The following DDX6 variants were observed in gnomAD, a reference collection of about 807,000 sequenced individuals.
DDX6 encodes probable ATP-dependent RNA helicase DDX6.
Under a neutral mutation model 60.6 loss-of-function variants are expected in DDX6, and 7 were observed. The ratio of observed to expected loss-of-function variants is 0.12; its 90% CI spans 0.07 to 0.22. The LOEUF is 0.22. Ranked by LOEUF, DDX6 falls within the 10% of genes least tolerant of loss-of-function variation. The probability of loss-of-function intolerance (pLI) is 1.00; values close to 1 mark genes in which losing one functional copy is unlikely to be tolerated. For synonymous variants in DDX6, 207 were observed against 201.0 expected (o/e 1.03, Z -0.25); for missense variants, 270 against 589.9 (o/e 0.46, Z 5.62).
At chr11:118,760,942 C>T (rs1555160048) in intron 7 of DDX6, among the ~76,000 whole-genome samples, 1 of 151,616 alleles carries the variant, frequency 6.6e-6, no homozygotes, top group African/African-American at 2.4e-5. Flanking sequence ...GAGTTCAAGA[C>T]AAGACTGGTT....
rs1399703841 is a variant in DDX6 at position 118,768,055 on chromosome 11, T to C, written c.499+168A>G. Reference sequence around the variant, plus strand: ...GAAATCTCTAAAAAGCTGGGAATCATTTTTAATAAAAAGACCATCATCAGG... The same window carrying C: ...GAAATCTCTAAAAAGCTGGGAATCACTTTTAATAAAAAGACCATCATCAGG... On this transcript the variant is annotated intron_variant, in intron 5 of 13. Transcript: ENST00000534980. 3 of 627,908 alleles carry C rather than the reference T, an allele frequency of 4.8e-6. No individual in the cohort carries two copies. The African/African-American group carries it at 5.5e-5, about 12-fold the overall frequency. 38.9% of individuals were successfully genotyped at this position (627,908 alleles called of 1,614,324 possible).
At chr11:118,785,163 CCATT>C (rs1343224484) in intron 2 of DDX6, among the ~76,000 whole-genome samples, 3 of 152,248 alleles carry the variant, frequency 2.0e-5, no homozygotes, top group Admixed American at 1.3e-4. Context: ...GTGATGGTTA[CCATT>C]CAAATATTGT....
In DDX6 at chr11:118,765,336, A is replaced by G. The variant is rs868991459; in HGVS notation, c.519T>C (p.Thr173=). Residue 173 remains threonine, a synonymous_variant, in exon 6 of 14, where the codon ACT becomes ACC. Coordinates refer to ENST00000534980, the MANE Select transcript of DDX6 (RefSeq NM_004397.6). ...GACTGACCTGTAGAGCAAGTTCTCTAGTGGGAACAATCACCATTGCTGAAA... is the reference window on the plus strand; with the variant it reads ...GACTGACCTGTAGAGCAAGTTCTCTGGTGGGAACAATCACCATTGCTGAAA... The part of the protein sequence containing the change: ...DNIQAMVIVP[T]RELALQVSQI... 3 of 1,613,928 alleles carry G rather than the reference A, an allele frequency of 1.9e-6. No homozygotes were observed. The Middle Eastern group carries it at 5.0e-4, about 268-fold the overall frequency.
In DDX6 at chr11:118,790,678, C is replaced by T. The variant is rs998267302; in HGVS notation, c.-268+420G>A. Among the ~76,000 whole-genome samples, 3 of 152,130 alleles carry T rather than the reference C, an allele frequency of 2.0e-5. No homozygotes were observed. In the East Asian group the frequency reaches 5.8e-4, roughly 29 times the overall value. On this transcript the variant is annotated intron_variant, in intron 1 of 13. Coordinates refer to ENST00000534980, the MANE Select transcript of DDX6 (RefSeq NM_004397.6). ...CCTGTTCCTCCTGCCGACCCTGCTG[C>T]GCACCACATTCCTATATTCGCCTCC...
intron 4 of DDX6, among the ~76,000 whole-genome samples, chr11:118,776,229 T>C (rs1861694456): frequency 6.6e-6 from 1 of 152,228 alleles, no homozygotes; most frequent in African/African-American, 2.4e-5. Context: ...CATAACATTT[T>C]TGAGCATTTA....
rs1243434031 is a variant in DDX6, at chr11:118,747,905, C to G, written c.*4200G>C. The G allele has an allele frequency of 1.6e-5, 2 of 124,126 alleles. No individual in the cohort carries two copies. The highest frequency in any genetic ancestry group is 2.5e-4 in the East Asian group (1 of 3,990). 7.7% of individuals were successfully genotyped at this position (124,126 alleles called of 1,614,324 possible). On this transcript the variant is annotated 3_prime_UTR_variant, in exon 14 of 14. Transcript: ENST00000534980. ...ACACATCCCAACAAAAACAGAGCCC[C>G]CCCCCCCCCCACTGGAACATCTGCC...
intron 4 of DDX6, among the ~76,000 whole-genome samples, chr11:118,774,205 G>C (rs1861625523): frequency 6.6e-6 from 1 of 152,090 alleles, no homozygotes; most frequent in Non-Finnish European, 1.5e-5. Context: ...TAACCCCAAA[G>C]TTAATATAAA....
At chr11:118,783,131 G>A (rs1861957350) in intron 2 of DDX6, among the ~76,000 whole-genome samples, 3 of 152,010 alleles carry the variant, frequency 2.0e-5, no homozygotes. Context: ...GAAGTGTTCT[G>A]AGACACTTGA....
chr11:118,763,342 TTTTAA>T (rs1555160672), intron 6 of DDX6, 36 bp from the exon 7 acceptor site: 5 of 1,491,028 alleles, frequency 3.4e-6, no homozygotes, highest in Non-Finnish European at 2.8e-6. Context: ...TTCTCATTAA[TTTTAA>T]TTTGAGCAAA....
chr11:118,749,175 CA>C lies in DDX6; in HGVS notation c.*2929del, dbSNP rs1555156568. On this transcript the variant is annotated 3_prime_UTR_variant, in exon 14 of 14. Coordinates refer to ENST00000534980, the MANE Select transcript of DDX6 (RefSeq NM_004397.6). ...GTCCATAGCCCATTACACAACTGTA[CA>C]ACCAAAGGCTAAATGATGAGTTGGA... The C allele has an allele frequency of 1.3e-5, 2 of 151,880 alleles. No individual in the cohort carries two copies. The highest frequency in any genetic ancestry group is 3.9e-4 in the East Asian group (2 of 5,172). The allele number at this position is 151,880 out of a possible 1,614,324, so 9.4% of individuals were successfully genotyped here. A position where few individuals can be genotyped will look rare whatever the true frequency, so the allele number is the denominator to read the frequency against.
intron 2 of DDX6, among the ~76,000 whole-genome samples, chr11:118,785,192 A>G (rs1862034046): frequency 6.6e-6 from 1 of 152,188 alleles, no homozygotes; most frequent in Admixed American, 6.6e-5. Context: ...TAAACTATGC[A>G]CTTAAAAGTA....
intron 13 of DDX6, 58 bp downstream of exon 13, chr11:118,754,647 G>A (rs1273757199): frequency 7.4e-6 from 11 of 1,479,888 alleles, no homozygotes; most frequent in Non-Finnish European, 9.1e-6. Context: ...CCCCAGGAAA[G>A]AAGATTTTGA....
intron 13 of DDX6, among the ~76,000 whole-genome samples, chr11:118,754,310 A>G (rs1315323257): frequency 1.3e-5 from 2 of 152,232 alleles, no homozygotes; most frequent in Non-Finnish European, 2.9e-5. Context: ...ATGTGCCTAC[A>G]GTTCCAGCTA....
In DDX6 at chr11:118,786,070, C is replaced by T. The variant is rs779167896; in HGVS notation, c.182G>A (p.Ser61Asn). Residue 61 changes from serine (S) to asparagine (N), a missense_variant, in exon 2 of 14, where the codon AGT becomes AAT. Ser to Asn is a conservative substitution (Grantham distance 46, BLOSUM62 1). This residue lies in a region of DDX6 where 102 missense variants were observed against 110.5 expected (regional missense o/e 0.92). Coordinates refer to ENST00000534980, the MANE Select transcript of DDX6 (RefSeq NM_004397.6). Reference sequence around the variant, plus strand: ...CACTTACTTAATAGTGGTGGTCATACTCTGTGCTTGCTGCTGAGTGCCATT... The same window carrying T: ...CACTTACTTAATAGTGGTGGTCATATTCTGTGCTTGCTGCTGAGTGCCATT... ...INNGTQQQAQ[S>N]MTTTIKPGDD... 3 of 1,613,796 alleles carry T rather than the reference C, an allele frequency of 1.9e-6. No homozygotes were observed. The highest frequency in any genetic ancestry group is 2.2e-5 in the South Asian group (2 of 91,062).
intron 4 of DDX6, among the ~76,000 whole-genome samples, chr11:118,778,496 C>T (rs1565575817): frequency 6.6e-6 from 1 of 152,202 alleles, no homozygotes; most frequent in Admixed American, 6.6e-5. Flanking sequence ...AAACAATACG[C>T]TAAGAGAACT....
At chr11:118,761,954 C>T (rs1325404799) in intron 7 of DDX6, among the ~76,000 whole-genome samples, 1 of 151,102 alleles carries the variant, frequency 6.6e-6, no homozygotes, top group Non-Finnish European at 1.5e-5. Flanking sequence ...AGATAAAAGT[C>T]TGATTTGAAT....
intron 5 of DDX6, among the ~76,000 whole-genome samples, chr11:118,765,636 G>T (rs927926902): frequency 6.6e-6 from 1 of 151,988 alleles, no homozygotes; most frequent in South Asian, 2.1e-4. Flanking sequence ...TTATCCAGGC[G>T]TGGTGGCACG....
chr11:118,785,856 G>T, intron 2 of DDX6, 196 bp downstream of exon 2: 1 of 468,678 alleles, frequency 2.1e-6, no homozygotes. Flanking sequence ...ACCTCAGGAT[G>T]ACTACTTGCT....
chr11:118,789,802 G>A (rs1862203838), intron 1 of DDX6: 1 of 152,144 alleles, frequency 6.6e-6, no homozygotes, highest in South Asian at 2.1e-4. Context: ...TCCAAAATGA[G>A]ACTATGTGAT....
Sources: gnomAD v4.1 joint callset for allele counts (sites outside exome capture counted in the v4.1 genomes callset) on GRCh38, gnomAD v4.1.1 for gene constraint, gnomAD v4.1.1 regional missense constraint, MANE v1.5 for transcripts, NCBI Gene and HGNC (gene_info 2026-07-23, HGNC 2026-07-21) for gene names.